Variants in SUPT3H observed in about 807,000 individuals in gnomAD.
SUPT3H encodes the protein transcription initiation protein SPT3 homolog.
Under a neutral mutation model 44.3 loss-of-function variants are expected in SUPT3H, and 44 were observed. That is an observed-to-expected ratio of 0.99 (90% CI 0.78 to 1.28). The LOEUF (loss-of-function observed/expected upper bound fraction) is 1.28. SUPT3H is among the 50% of genes most tolerant of loss of function. SUPT3H has a pLI of 0.00. For missense variants in SUPT3H, 380 were observed against 387.1 expected (o/e 0.98, Z 0.15); for synonymous variants, 124 against 125.6 (o/e 0.99, Z 0.09).
chr6:45,076,112 G>T (rs537012154), intron 3 of SUPT3H, among the ~76,000 whole-genome samples: 285 of 151,882 alleles, frequency 1.9e-3, no homozygotes, highest in African/African-American at 6.7e-3. Flanking sequence ...ATTAATAGTG[G>T]CATATATGTT....
chr6:45,236,305 C>G (rs1192159070), intron 2 of SUPT3H, among the ~76,000 whole-genome samples: 2 of 152,084 alleles, frequency 1.3e-5, no homozygotes, highest in East Asian at 3.9e-4. Flanking sequence ...GAACATGGAA[C>G]TAAGCTGGAG....
At chr6:44,811,499 C>T (rs1229950011) in intron 11 of SUPT3H, among the ~76,000 whole-genome samples, 1 of 152,166 alleles carries the variant, frequency 6.6e-6, no homozygotes, top group African/African-American at 2.4e-5. Context: ...GAAACTTAAA[C>T]TACTTTCCCA....
At chr6:44,870,574 G>C (rs928466275) in intron 10 of SUPT3H, among the ~76,000 whole-genome samples, 1 of 150,298 alleles carries the variant, frequency 6.7e-6, no homozygotes, top group African/African-American at 2.4e-5. Context: ...ACTCCAGCCT[G>C]GGTGACAGAG....
intron 5 of SUPT3H, among the ~76,000 whole-genome samples, chr6:45,014,228 A>T (rs998952625): frequency 1.3e-5 from 2 of 152,064 alleles, no homozygotes; most frequent in Non-Finnish European, 2.9e-5. Flanking sequence ...AAGGGGGAAG[A>T]TTTGAAATGA....
downstream of SUPT3H, among the ~76,000 whole-genome samples, chr6:44,825,006 C>T (rs895994701): frequency 6.6e-6 from 1 of 152,182 alleles, no homozygotes; most frequent in Non-Finnish European, 1.5e-5. Context: ...TCTGCTGCTG[C>T]AAACACGTAA....
intron 2 of SUPT3H, among the ~76,000 whole-genome samples, chr6:45,342,153 G>C (rs975462881): frequency 1.3e-5 from 2 of 152,120 alleles, no homozygotes; most frequent in Non-Finnish European, 2.9e-5. Flanking sequence ...TGGTGCCAAT[G>C]ATCATGAGGA....
Position 45,032,404 on chromosome 6 carries a change from T to C in SUPT3H, c.187-11772A>G, listed in dbSNP as rs116700691. Among the ~76,000 whole-genome samples the C allele has an allele frequency of 3.3e-3, 504 of 152,160 alleles. 6 individuals carry two copies. The highest frequency in any genetic ancestry group is 0.012 in the African/African-American group (482 of 41,534). On this transcript the variant is annotated intron_variant, in intron 3 of 10. Transcript: ENST00000371459. ...AATGAAATAATGTAGTAAAGACAAA[T>C]AGAGAACTATAAAACACTATACCTG...
At chr6:45,184,137 A>G (rs1813762908) in intron 2 of SUPT3H, among the ~76,000 whole-genome samples, 1 of 152,192 alleles carries the variant, frequency 6.6e-6, no homozygotes, top group Non-Finnish European at 1.5e-5. Context: ...AACACTCTAT[A>G]CTTCCTTTAC....
intron 2 of SUPT3H, among the ~76,000 whole-genome samples, chr6:45,283,036 G>A (rs1305945431): frequency 6.6e-6 from 1 of 152,156 alleles, no homozygotes; most frequent in African/African-American, 2.4e-5. Flanking sequence ...AGCAAATGCT[G>A]AGAGATTTTG....
intron 2 of SUPT3H, among the ~76,000 whole-genome samples, chr6:45,136,925 C>T (rs1433714780): frequency 6.6e-6 from 1 of 152,052 alleles, no homozygotes; most frequent in Non-Finnish European, 1.5e-5. Flanking sequence ...CATTAATCTA[C>T]ACATCCAGTC....
chr6:45,212,010 A>G (rs796410580), intron 2 of SUPT3H, among the ~76,000 whole-genome samples: 3 of 152,040 alleles, frequency 2.0e-5, no homozygotes, highest in African/African-American at 7.2e-5. Context: ...CTAAAAATGG[A>G]AAAAGTTTAG....
chr6:45,349,187 G>A (rs1363709414), intron 2 of SUPT3H, among the ~76,000 whole-genome samples: 12 of 152,048 alleles, frequency 7.9e-5, no homozygotes, highest in Admixed American at 5.9e-4. Context: ...AAAGAATATC[G>A]CTAGTATTTC....
intron 3 of SUPT3H, among the ~76,000 whole-genome samples, chr6:45,100,498 G>C (rs961687524): frequency 7.9e-6 from 1 of 126,350 alleles, no homozygotes; most frequent in African/African-American, 3.1e-5. Context: ...CTTGCACCCA[G>C]GAGTTTGAGA....
intron 3 of SUPT3H, among the ~76,000 whole-genome samples, chr6:45,029,913 T>C (rs973774785): frequency 3.9e-5 from 6 of 152,086 alleles, no homozygotes; most frequent in African/African-American, 4.8e-5. Flanking sequence ...TACAGGCACA[T>C]GCCATCATGC....
intron 5 of SUPT3H, among the ~76,000 whole-genome samples, chr6:45,009,981 G>A (rs796893602): frequency 4.7e-5 from 5 of 106,640 alleles, no homozygotes; most frequent in African/African-American, 1.7e-4. Flanking sequence ...ATGAACGTAG[G>A]ATGTCTTTCC....
chr6:45,256,474 C>T (rs969872402), intron 2 of SUPT3H, among the ~76,000 whole-genome samples: 9 of 151,940 alleles, frequency 5.9e-5, no homozygotes, highest in Non-Finnish European at 1.3e-4. Flanking sequence ...CCCTCATTAC[C>T]TAATCACCTC....
intron 2 of SUPT3H, among the ~76,000 whole-genome samples, chr6:45,227,467 T>C: frequency 6.6e-6 from 1 of 152,136 alleles, no homozygotes; most frequent in East Asian, 1.9e-4. Context: ...TAGATACTGC[T>C]CATAAAAAAT....
At chr6:44,898,244 CT>C (rs1372351305) in intron 10 of SUPT3H, among the ~76,000 whole-genome samples, 1 of 152,158 alleles carries the variant, frequency 6.6e-6, no homozygotes, top group Non-Finnish European at 1.5e-5. Context: ...TATTCATGCC[CT>C]TATGTATAGT....
intron 2 of SUPT3H, among the ~76,000 whole-genome samples, chr6:45,211,939 G>A (rs939402350): frequency 2.6e-5 from 4 of 151,622 alleles, no homozygotes; most frequent in South Asian, 2.1e-4. Flanking sequence ...TGAGGTGGGC[G>A]AATCACAGGA....
Sources: gnomAD v4.1 joint callset for allele counts (sites outside exome capture counted in the v4.1 genomes callset) on GRCh38, gnomAD v4.1.1 for gene constraint, MANE v1.5 for transcripts, NCBI Gene and HGNC (gene_info 2026-07-23, HGNC 2026-07-21) for gene names.